EPHA3: variants seen among roughly 807,000 people sequenced by gnomAD.
EPHA3 encodes ephrin type-A receptor 3.
EPHA3 carries 42 observed loss-of-function variants against 107.1 expected under a neutral mutation model. That is an observed-to-expected ratio of 0.39 (90% CI 0.31 to 0.51). EPHA3 has a LOEUF of 0.51. Ranked by LOEUF, EPHA3 falls within the 20% of genes least tolerant of loss-of-function variation. EPHA3 has a pLI of 0.78. For synonymous variants in EPHA3, 461 were observed against 424.8 expected, an observed-to-expected ratio of 1.09 and a Z score of -1.05; for missense variants, 1,183 against 1,211.2, an observed-to-expected ratio of 0.98 and a Z score of 0.35.
chr3:89,202,793 T>C (rs1241689945), intron 2 of EPHA3, among the ~76,000 whole-genome samples: 1 of 152,120 alleles, frequency 6.6e-6, no homozygotes. Flanking sequence ...AGTATAAATA[T>C]GTGATTGAAA....
At chr3:89,192,537 A>C (rs1040686392) in intron 2 of EPHA3, among the ~76,000 whole-genome samples, 3 of 152,080 alleles carry the variant, frequency 2.0e-5, no homozygotes, top group Non-Finnish European at 4.4e-5. Flanking sequence ...GAAATAAATA[A>C]AATGACTGTA....
At chr3:89,253,825 T>A (rs555983133) in intron 3 of EPHA3, among the ~76,000 whole-genome samples, 5 of 38,948 alleles carry the variant, frequency 1.3e-4, no homozygotes, top group African/African-American at 2.9e-4. Context: ...TAAGAGGAGT[T>A]TTTTTTTTAA....
chr3:89,409,814 G>A (rs965450752), intron 9 of EPHA3, among the ~76,000 whole-genome samples: 1 of 152,046 alleles, frequency 6.6e-6, no homozygotes, highest in African/African-American at 2.4e-5. Context: ...GGAAAGAAAT[G>A]TGTTTCACCT....
At chr3:89,381,401 G>T (rs1490445926) in intron 5 of EPHA3, among the ~76,000 whole-genome samples, 2 of 151,962 alleles carry the variant, frequency 1.3e-5, no homozygotes, top group African/African-American at 2.4e-5. Flanking sequence ...GTGGTATGAT[G>T]GCTCATGCCT....
chr3:89,175,731 C>T (rs562290219), intron 2 of EPHA3, among the ~76,000 whole-genome samples: 18 of 152,100 alleles, frequency 1.2e-4, no homozygotes, highest in Admixed American at 3.3e-4. Flanking sequence ...CCTAAAAGGA[C>T]GGGTTGTCAT....
At chr3:89,212,013 G>C (rs1704114182) in intron 3 of EPHA3, among the ~76,000 whole-genome samples, 1 of 151,574 alleles carries the variant, frequency 6.6e-6, no homozygotes, top group Non-Finnish European at 1.5e-5. Flanking sequence ...GCACCAGGAA[G>C]GTAAAGAGTA....
chr3:89,368,350 A>G (rs1362230795), intron 5 of EPHA3, among the ~76,000 whole-genome samples: 1 of 150,436 alleles, frequency 6.6e-6, no homozygotes, highest in East Asian at 2.0e-4. Flanking sequence ...CACTCCAGAA[A>G]AACAGAACCA....
intron 16 of EPHA3, 62 bp downstream of exon 16, chr3:89,472,681 T>G: frequency 1.3e-6 from 2 of 1,531,460 alleles, no homozygotes; most frequent in Non-Finnish European, 1.8e-6. Context: ...TGGCTTGACA[T>G]GAAAGATTTG....
At chr3:89,296,797 C>T (rs1706365158) in intron 3 of EPHA3, among the ~76,000 whole-genome samples, 2 of 152,168 alleles carry the variant, frequency 1.3e-5, no homozygotes, top group South Asian at 4.1e-4. Flanking sequence ...ACTATTTTGT[C>T]TACATTGAAA....
chr3:89,347,970 T>A (rs1239737426), intron 5 of EPHA3, among the ~76,000 whole-genome samples: 2 of 151,108 alleles, frequency 1.3e-5, no homozygotes, highest in Non-Finnish European at 3.0e-5. Flanking sequence ...GAAGCCCACT[T>A]GATCATGGTG....
intron 13 of EPHA3, among the ~76,000 whole-genome samples, chr3:89,442,134 C>A (rs1354246512): frequency 6.7e-6 from 1 of 149,768 alleles, no homozygotes; most frequent in Non-Finnish European, 1.5e-5. Context: ...AGGAAGTTAT[C>A]CTAAAAAAGA....
intron 3 of EPHA3, among the ~76,000 whole-genome samples, chr3:89,251,232 C>T (rs1705159415): frequency 6.6e-6 from 1 of 151,490 alleles, no homozygotes; most frequent in African/African-American, 2.4e-5. Flanking sequence ...AAAAAACAAA[C>T]TAGAAAAACA....
rs577409349 is a variant in EPHA3 at position 89,283,137 on chromosome 3, A to C, written c.815-57779A>C. 8.5e-5 allele frequency among the ~76,000 whole-genome samples: 13 copies of C among 152,268 alleles called. No homozygotes were observed. In the East Asian group the frequency reaches 2.5e-3, roughly 29 times the overall value. ...TAGGTGCAGTAACAGGGCATGAACA[A>C]GTTTTAACTATCATTATGGGTAATG... On this transcript the variant is annotated intron_variant, in intron 3 of 16. Transcript: ENST00000336596.
At chr3:89,286,054 T>C (rs1184963887) in intron 3 of EPHA3, among the ~76,000 whole-genome samples, 1 of 151,738 alleles carries the variant, frequency 6.6e-6, no homozygotes, top group African/African-American at 2.4e-5. Flanking sequence ...GTCAGTTTCC[T>C]GAGGAAGGAA....
chr3:89,279,383 G>T (rs1705887970), intron 3 of EPHA3, among the ~76,000 whole-genome samples: 1 of 151,986 alleles, frequency 6.6e-6, no homozygotes, highest in African/African-American at 2.4e-5. Context: ...TATAATCATT[G>T]AATACATTAT....
At chr3:89,167,270 T>C (rs1705094000) in intron 2 of EPHA3, among the ~76,000 whole-genome samples, 1 of 152,176 alleles carries the variant, frequency 6.6e-6, no homozygotes, top group African/African-American at 2.4e-5. Flanking sequence ...TAACATTCAC[T>C]CTGTTTACAT....
intron 2 of EPHA3, among the ~76,000 whole-genome samples, chr3:89,162,303 C>A (rs1704966476): frequency 6.6e-6 from 1 of 151,972 alleles, no homozygotes. Flanking sequence ...ATGCCATACT[C>A]CAAATAAATT....
At chr3:89,278,883 G>A (rs565894832) in intron 3 of EPHA3, among the ~76,000 whole-genome samples, 20 of 152,264 alleles carry the variant, frequency 1.3e-4, no homozygotes, top group African/African-American at 4.8e-4. Context: ...CTCATGCTGG[G>A]AGAAAGGTGC....
intron 13 of EPHA3, 41 bp downstream of exon 13, chr3:89,431,400 C>A: frequency 6.5e-7 from 1 of 1,527,958 alleles, no homozygotes; most frequent in Non-Finnish European, 9.0e-7. Flanking sequence ...CATTGTTTTC[C>A]ATCTTGTATC....
Sources: allele counts gnomAD v4.1 joint callset (sites outside exome capture counted in the v4.1 genomes callset), GRCh38; gene constraint gnomAD v4.1.1; transcripts MANE v1.5; gene names NCBI Gene and HGNC (gene_info 2026-07-23, HGNC 2026-07-21).